The following CNBD2 variants were observed in gnomAD, a reference collection of about 807,000 sequenced individuals.
CNBD2 encodes the protein cyclic nucleotide-binding domain-containing protein 2.
A neutral mutation model predicts 63.7 loss-of-function variants in CNBD2; 64 were observed. That is an observed-to-expected ratio of 1.00 (90% CI 0.82 to 1.24). The LOEUF is 1.24. Ranked by LOEUF, CNBD2 falls within the 50% of genes most tolerant of loss-of-function variation. CNBD2 has a pLI of 0.00. For synonymous variants in CNBD2, 229 were observed against 255.4 expected, an observed-to-expected ratio of 0.90 and a Z score of 0.99; for missense variants, 691 against 713.5, an observed-to-expected ratio of 0.97 and a Z score of 0.36.
chr20:35,998,605 A>G (rs1482623652), intron 8 of CNBD2, among the ~76,000 whole-genome samples: 1 of 151,938 alleles, frequency 6.6e-6, no homozygotes, highest in African/African-American at 2.4e-5. Context: ...GTGGTGGTTC[A>G]CGCGTGTAAT....
At chr20:35,984,812 T>A (rs1312702605) in intron 6 of CNBD2, 34 bp downstream of exon 6, 1 of 1,610,318 alleles carries the variant, frequency 6.2e-7, no homozygotes, top group Non-Finnish European at 8.5e-7. Flanking sequence ...TTTTTTCCCC[T>A]TGTGTGTTTA....
rs1212960869 is a variant in CNBD2, at chr20:35,968,692, T to G, written c.-71T>G. 7 of 1,246,340 alleles carry G rather than the reference T, an allele frequency of 5.6e-6. No individual in the cohort carries two copies. The highest frequency in any genetic ancestry group is 4.1e-5 in the Admixed American group (2 of 49,174). The allele number at this position is 1,246,340 out of a possible 1,614,324, so 77.2% of individuals were successfully genotyped here. On this transcript the variant is annotated 5_prime_UTR_variant, in exon 1 of 12. Coordinates refer to ENST00000373973, the MANE Select transcript of CNBD2 (RefSeq NM_001365709.1). ...TTTGTTTCTAGTATTACTGGATTTT[T>G]GGGGAAAAATTTGTAGTCCTCCCCT...
chr20:35,983,052 G>A (rs958570280), intron 4 of CNBD2, among the ~76,000 whole-genome samples: 1 of 151,842 alleles, frequency 6.6e-6, no homozygotes, highest in African/African-American at 2.4e-5. Flanking sequence ...GTAATAGTAA[G>A]AATAGCTAAC....
In CNBD2 at chr20:35,984,652, T is replaced by A; in HGVS notation, c.590T>A (p.Val197Glu). 1 of 1,614,160 alleles carries A rather than the reference T, an allele frequency of 6.2e-7. No individual in the cohort carries two copies. Among genetic ancestry groups the A allele is most frequent in the Non-Finnish European group, 8.5e-7 (1 of 1,180,022 alleles). Residue 197 changes from valine to glutamate, a missense_variant, in exon 6 of 12, where the codon GTG becomes GAG. Transcript: ENST00000373973. The stretch of plus-strand genomic sequence containing the variant: ...GAAATGGACGTTCTGCATGCTTCAG[T>A]GAGGAGGTCCACCATCGTCTGTATG... Reference protein sequence around the residue: ...FGEMDVLHASVRRSTIVCMEE... With the variant: ...FGEMDVLHASERRSTIVCMEE...
At chr20:35,954,517 G>A (rs2056228387), upstream of CNBD2, 1 of 1,528,808 alleles carries the variant, frequency 6.5e-7, no homozygotes, top group Non-Finnish European at 8.8e-7. Context: ...AGGTCGGCGC[G>A]CGAGCACCCG....
intron 7 of CNBD2, among the ~76,000 whole-genome samples, chr20:35,993,849 C>T (rs1426448379): frequency 6.6e-6 from 1 of 151,184 alleles, no homozygotes; most frequent in African/African-American, 2.4e-5. Context: ...ACCACCATGC[C>T]CAGCTAATTC....
chr20:35,975,463 G>T (rs1205403521), intron 2 of CNBD2, among the ~76,000 whole-genome samples: 1 of 92,986 alleles, frequency 1.1e-5, no homozygotes, highest in Non-Finnish European at 2.2e-5. Context: ...ACCACGCCCG[G>T]CTAATTTTTT....
intron 1 of CNBD2, among the ~76,000 whole-genome samples, chr20:35,971,176 T>C (rs983117353): frequency 6.6e-6 from 1 of 150,936 alleles, no homozygotes; most frequent in African/African-American, 2.4e-5. Flanking sequence ...CTCGATCTCC[T>C]GACCTCGTGA....
At chr20:36,029,343 T>A (rs1466715128) in intron 11 of CNBD2, among the ~76,000 whole-genome samples, 1 of 152,180 alleles carries the variant, frequency 6.6e-6, no homozygotes, top group Non-Finnish European at 1.5e-5. Context: ...CTGAGTGAGA[T>A]GTTGTTGTTA....
chr20:36,015,985 C>G (rs1403478362), intron 10 of CNBD2, among the ~76,000 whole-genome samples: 1 of 152,176 alleles, frequency 6.6e-6, no homozygotes, highest in Admixed American at 6.5e-5. Context: ...CTGAAAAACA[C>G]AGCCAGATCA....
At chr20:36,021,974 A>G (rs939337651) in intron 10 of CNBD2, among the ~76,000 whole-genome samples, 2 of 151,390 alleles carry the variant, frequency 1.3e-5, no homozygotes, top group African/African-American at 4.9e-5. Flanking sequence ...CTGCAAAGAT[A>G]AGGTCCAGAA....
chr20:35,954,524 C>T, upstream of CNBD2: 2 of 1,524,418 alleles, frequency 1.3e-6, no homozygotes, highest in Non-Finnish European at 8.8e-7. Flanking sequence ...CGCGCGAGCA[C>T]CCGGAAGCCG....
chr20:35,999,349 A>G (rs981847001), intron 8 of CNBD2, among the ~76,000 whole-genome samples: 8 of 151,722 alleles, frequency 5.3e-5, no homozygotes, highest in African/African-American at 1.9e-4. Context: ...TTTTCTTTCT[A>G]TTTGTCACAT....
At chr20:36,028,699 G>A (rs1298345744) in intron 11 of CNBD2, among the ~76,000 whole-genome samples, 2 of 75,832 alleles carry the variant, frequency 2.6e-5, no homozygotes, top group African/African-American at 2.4e-4. Flanking sequence ...TTTTTGGGAC[G>A]GAGTCTCACT....
chr20:36,021,889 G>A (rs537671034), intron 10 of CNBD2, among the ~76,000 whole-genome samples: 76 of 152,310 alleles, frequency 5.0e-4, no homozygotes, highest in Admixed American at 3.9e-3. Context: ...CTGGAGAGAG[G>A]AGGACCTGTG....
chr20:36,019,323 G>A (rs1480547846), intron 10 of CNBD2, among the ~76,000 whole-genome samples: 4 of 151,802 alleles, frequency 2.6e-5, no homozygotes, highest in South Asian at 2.1e-4. Context: ...CCAGGATTTC[G>A]AGACCAGCCT....
chr20:35,987,835 G>T (rs962191211), intron 7 of CNBD2, among the ~76,000 whole-genome samples: 2 of 152,022 alleles, frequency 1.3e-5, no homozygotes, highest in Non-Finnish European at 2.9e-5. Flanking sequence ...TTGAATCTTA[G>T]TGATGCCAGA....
chr20:35,977,435 C>G (rs761217870), intron 3 of CNBD2, among the ~76,000 whole-genome samples: 1 of 152,092 alleles, frequency 6.6e-6, no homozygotes. Flanking sequence ...TTTGGGAGGC[C>G]GAGGCAGGAA....
intron 7 of CNBD2, among the ~76,000 whole-genome samples, chr20:35,989,746 C>A (rs919367358): frequency 1.3e-4 from 19 of 151,968 alleles, no homozygotes; most frequent in African/African-American, 3.9e-4. Flanking sequence ...GTGGCTGATG[C>A]CCATAGTCTT....
Sources: gnomAD v4.1 joint callset for allele counts (sites outside exome capture counted in the v4.1 genomes callset) on GRCh38, gnomAD v4.1.1 for gene constraint, MANE v1.5 for transcripts, NCBI Gene and HGNC (gene_info 2026-07-23, HGNC 2026-07-21) for gene names.